The following DCC variants were observed in gnomAD, a reference collection of about 807,000 sequenced individuals.
DCC encodes the protein netrin receptor DCC.
Under a neutral mutation model 172.5 loss-of-function variants are expected in DCC, and 58 were observed. The ratio of observed to expected loss-of-function variants is 0.34; its 90% CI spans 0.27 to 0.42. The LOEUF (loss-of-function observed/expected upper bound fraction) is 0.42, where lower values mean the gene tolerates loss of function less well. Among genes scored for constraint, DCC ranks in the 10% least tolerant of loss-of-function variants. The probability of loss-of-function intolerance (pLI) is 1.00; values close to 1 mark genes in which losing one functional copy is unlikely to be tolerated. For missense variants in DCC, 1,740 were observed against 1,791.0 expected, an observed-to-expected ratio of 0.97 and a Z score of 0.51; for synonymous variants, 709 against 644.5, an observed-to-expected ratio of 1.10 and a Z score of -1.52.
chr18:53,259,216 G>T (rs2056562666), intron 12 of DCC, among the ~76,000 whole-genome samples: 1 of 151,976 alleles, frequency 6.6e-6, no homozygotes, highest in South Asian at 2.1e-4. Context: ...TTACATTTAA[G>T]GTTAATATTG....
chr18:52,597,505 G>C (rs1253108276), intron 1 of DCC, among the ~76,000 whole-genome samples: 1 of 128,572 alleles, frequency 7.8e-6, no homozygotes, highest in Non-Finnish European at 1.7e-5. Context: ...CAATTAGGTA[G>C]TTTAAGCAAT....
intron 27 of DCC, among the ~76,000 whole-genome samples, chr18:53,523,129 A>T: frequency 6.6e-6 from 1 of 152,346 alleles, no homozygotes; most frequent in South Asian, 2.1e-4. Context: ...ACTTCTCAAG[A>T]GAAGACATTT....
intron 1 of DCC, among the ~76,000 whole-genome samples, chr18:52,534,610 A>G (rs1322934334): frequency 6.6e-6 from 1 of 152,178 alleles, no homozygotes; most frequent in Non-Finnish European, 1.5e-5. Context: ...TGATTCAGAA[A>G]GACTAACATA....
chr18:52,549,357 C>G (rs1469932244), intron 1 of DCC, among the ~76,000 whole-genome samples: 1 of 152,036 alleles, frequency 6.6e-6, no homozygotes, highest in Admixed American at 6.6e-5. Context: ...CCAGCTCCTT[C>G]TATCACATGC....
intron 15 of DCC, among the ~76,000 whole-genome samples, chr18:53,361,251 C>CTT (rs763568752): frequency 6.6e-6 from 1 of 152,148 alleles, no homozygotes; most frequent in Non-Finnish European, 1.5e-5. Context: ...GACGTTTGGA[C>CTT]TTCAGAACTG....
intron 2 of DCC, among the ~76,000 whole-genome samples, chr18:52,843,909 G>C (rs1267023721): frequency 6.6e-6 from 1 of 152,098 alleles, no homozygotes; most frequent in Admixed American, 6.5e-5. Context: ...TCATTTTTCA[G>C]GGGGTGAGTT....
chr18:52,495,629 A>G (rs1050944101), intron 1 of DCC, among the ~76,000 whole-genome samples: 4 of 152,186 alleles, frequency 2.6e-5, no homozygotes, highest in African/African-American at 4.8e-5. Flanking sequence ...TGCCCGAAAC[A>G]GCAGAAATTT....
chr18:53,360,400 G>C (rs2057933142), intron 15 of DCC, among the ~76,000 whole-genome samples: 2 of 152,224 alleles, frequency 1.3e-5, no homozygotes, highest in South Asian at 2.1e-4. Context: ...TCATTTGAGA[G>C]AGGTGAGTGG....
At chr18:53,049,444 C>T (rs2042304556) in intron 5 of DCC, among the ~76,000 whole-genome samples, 1 of 152,034 alleles carries the variant, frequency 6.6e-6, no homozygotes, top group African/African-American at 2.4e-5. Flanking sequence ...AATAGGGAGT[C>T]TTTTCCCCTT....
intron 1 of DCC, among the ~76,000 whole-genome samples, chr18:52,348,145 G>T (rs8083764): frequency 0.25 from 38,002 of 151,996 alleles, 5,050 homozygotes; most frequent in Non-Finnish European, 0.31. Flanking sequence ...CATCTATGTG[G>T]ATTCATATTG....
chr18:52,395,487 G>T (rs1374378742), intron 1 of DCC, among the ~76,000 whole-genome samples: 1 of 151,902 alleles, frequency 6.6e-6, no homozygotes. Context: ...CTTCGGGGTT[G>T]GTAACAGGAG....
Position 53,531,513 on chromosome 18 carries a change from C to T in DCC, c.*860C>T, listed in dbSNP as rs138928888. ...ACTGTGATACAATTTCAAAGCTTCA[C>T]TAAGGCCATCTTCCTTAGGAGTTTG... On this transcript the variant is annotated 3_prime_UTR_variant, in exon 29 of 29. Transcript: ENST00000442544. The T allele has an allele frequency of 0.021, 3,179 of 152,778 alleles. 55 individuals carry two copies. The highest frequency in any genetic ancestry group is 0.061 in the Middle Eastern group (18 of 294). 9.5% of individuals were successfully genotyped at this position (152,778 alleles called of 1,614,324 possible).
intron 2 of DCC, among the ~76,000 whole-genome samples, chr18:52,789,043 G>C (rs1477182790): frequency 6.6e-6 from 1 of 152,072 alleles, no homozygotes; most frequent in Non-Finnish European, 1.5e-5. Flanking sequence ...AAAGTGCAAA[G>C]AGTTAACTAT....
rs77868719 is a variant in DCC, at chr18:53,065,834, A to C, written c.1141-212A>C. ...ATATTATTTAATGCAGATCTAGGTT[A>C]AACTGATGCCTGTGAATTCAGAAAA... is the stretch of plus-strand genomic sequence containing the variant. On this transcript the variant is annotated intron_variant, in intron 6 of 28. Transcript: ENST00000442544. 5.2e-3 allele frequency among the ~76,000 whole-genome samples: 795 copies of C among 152,254 alleles called. 6 individuals carry two copies. Among genetic ancestry groups the C allele is most frequent in the Admixed American group, 0.022 (343 of 15,284 alleles).
chr18:53,437,692 A>T (rs1454352022), intron 22 of DCC, among the ~76,000 whole-genome samples: 3 of 152,082 alleles, frequency 2.0e-5, no homozygotes, highest in African/African-American at 7.2e-5. Flanking sequence ...CATAAGTAAC[A>T]ATAATTCCCT....
At chr18:52,586,245 T>A (rs1237294296) in intron 1 of DCC, among the ~76,000 whole-genome samples, 1 of 152,124 alleles carries the variant, frequency 6.6e-6, no homozygotes, top group African/African-American at 2.4e-5. Flanking sequence ...TCACTGATAG[T>A]CTTGATTGTA....
chr18:53,174,973 T>C (rs370799051), intron 8 of DCC, among the ~76,000 whole-genome samples: 11 of 152,044 alleles, frequency 7.2e-5, no homozygotes, highest in African/African-American at 1.4e-4. Context: ...AAAAGCTTAT[T>C]CACCATGATC....
chr18:52,451,236 T>C (rs1426631684), intron 1 of DCC, among the ~76,000 whole-genome samples: 2 of 152,178 alleles, frequency 1.3e-5, no homozygotes, highest in Admixed American at 6.5e-5. Context: ...ACCTAGGGTA[T>C]ATGAGCCGTA....
At chr18:53,386,833 GTTAT>G (rs1269252302) in intron 16 of DCC, among the ~76,000 whole-genome samples, 1 of 152,208 alleles carries the variant, frequency 6.6e-6, no homozygotes, top group Non-Finnish European at 1.5e-5. Flanking sequence ...ATTTATGGAG[GTTAT>G]TTGTTAGCAT....
Sources: allele counts gnomAD v4.1 joint callset (sites outside exome capture counted in the v4.1 genomes callset), GRCh38; gene constraint gnomAD v4.1.1; transcripts MANE v1.5; gene names NCBI Gene and HGNC (gene_info 2026-07-23, HGNC 2026-07-21).